The following FGF14 variants were observed in gnomAD, a reference collection of about 807,000 sequenced individuals.
FGF14 encodes fibroblast growth factor homologous factor 4.
Under a neutral mutation model 25.5 loss-of-function variants are expected in FGF14, and 5 were observed. The observed-to-expected ratio is 0.20, with a 90% CI of 0.10 to 0.41. FGF14 has a LOEUF of 0.41. FGF14 is among the 10% of genes least tolerant of loss of function. The pLI is 1.00. For missense variants in FGF14, 222 were observed against 320.1 expected, an observed-to-expected ratio of 0.69 and a Z score of 2.34; for synonymous variants, 138 against 118.3, an observed-to-expected ratio of 1.17 and a Z score of -1.08.
At chr13:101,967,376 C>T (rs1392894381) in intron 1 of FGF14, among the ~76,000 whole-genome samples, 1 of 152,322 alleles carries the variant, frequency 6.6e-6, no homozygotes, top group African/African-American at 2.4e-5. Flanking sequence ...TGTTTTCCTT[C>T]TGATTGTGGT....
chr13:101,927,880 G>T (rs2034477423), intron 1 of FGF14, among the ~76,000 whole-genome samples: 1 of 152,116 alleles, frequency 6.6e-6, no homozygotes, highest in African/African-American at 2.4e-5. Flanking sequence ...TTTGTCAAAG[G>T]GAGGATGAGA....
At chr13:102,024,265 C>T (rs1264429789) in intron 1 of FGF14, among the ~76,000 whole-genome samples, 2 of 152,026 alleles carry the variant, frequency 1.3e-5, no homozygotes, top group Non-Finnish European at 2.9e-5. Context: ...ATTCTAATTC[C>T]TCCACATTCT....
At chr13:102,376,916 C>T (rs1255555726) in intron 1 of FGF14, among the ~76,000 whole-genome samples, 2 of 152,244 alleles carry the variant, frequency 1.3e-5, no homozygotes, top group Admixed American at 6.5e-5. Context: ...AGCCCATGGG[C>T]ACCAAGTGTG....
At chr13:102,047,338 A>C (rs1480319492) in intron 1 of FGF14, among the ~76,000 whole-genome samples, 1 of 152,178 alleles carries the variant, frequency 6.6e-6, no homozygotes, top group Non-Finnish European at 1.5e-5. Context: ...ATAATAATGC[A>C]AACCTAAAAG....
intron 1 of FGF14, among the ~76,000 whole-genome samples, chr13:102,108,739 CTAATT>C (rs1270795951): frequency 3.3e-5 from 5 of 152,110 alleles, no homozygotes; most frequent in East Asian, 1.9e-4. Flanking sequence ...TCTTAAAGGG[CTAATT>C]TAATTTTACT....
At chr13:102,248,509 G>A (rs1383863425) in intron 1 of FGF14, among the ~76,000 whole-genome samples, 1 of 152,114 alleles carries the variant, frequency 6.6e-6, no homozygotes, top group African/African-American at 2.4e-5. Flanking sequence ...AAGTAGATTT[G>A]ATGTGTTCAG....
At chr13:101,832,205 C>A (rs928407254) in intron 3 of FGF14, among the ~76,000 whole-genome samples, 3 of 151,926 alleles carry the variant, frequency 2.0e-5, no homozygotes, top group African/African-American at 7.2e-5. Flanking sequence ...CCAAGGGATG[C>A]TGGAAACCAC....
chr13:102,036,185 GCA>G (rs2139968156), intron 1 of FGF14, among the ~76,000 whole-genome samples: 1 of 152,192 alleles, frequency 6.6e-6, no homozygotes, highest in South Asian at 2.1e-4. Flanking sequence ...CTGGGCTAAA[GCA>G]CAGTGTCAAT....
At chr13:102,401,070 T>TA (rs1484902734) in intron 1 of FGF14, among the ~76,000 whole-genome samples, 1 of 152,128 alleles carries the variant, frequency 6.6e-6, no homozygotes, top group African/African-American at 2.4e-5. Flanking sequence ...GGAACCCAGC[T>TA]ACGTCCCTCG....
At chr13:102,011,388 G>T (rs182235809) in intron 1 of FGF14, among the ~76,000 whole-genome samples, 1 of 152,284 alleles carries the variant, frequency 6.6e-6, no homozygotes, top group East Asian at 1.9e-4. Context: ...AACGCTGCAG[G>T]AGTATGAAGC....
intron 1 of FGF14, among the ~76,000 whole-genome samples, chr13:102,180,324 T>A (rs1257888976): frequency 6.6e-6 from 1 of 152,076 alleles, no homozygotes; most frequent in Non-Finnish European, 1.5e-5. Context: ...ACTTTTTACT[T>A]TTTTTTGAGA....
intron 1 of FGF14, among the ~76,000 whole-genome samples, chr13:102,070,335 A>T (rs2140146827): frequency 6.6e-6 from 1 of 152,358 alleles, no homozygotes; most frequent in Non-Finnish European, 1.5e-5. Context: ...ATGAGATATC[A>T]TCTCACTCTA....
At chr13:101,857,233 T>C (rs759702650) in intron 3 of FGF14, among the ~76,000 whole-genome samples, 22 of 151,998 alleles carry the variant, frequency 1.4e-4, no homozygotes, top group Non-Finnish European at 3.2e-4. Flanking sequence ...GGAGCCAGGA[T>C]GAATGCCCAA....
intron 1 of FGF14, among the ~76,000 whole-genome samples, chr13:102,150,961 T>G (rs1338954940): frequency 6.6e-6 from 1 of 152,192 alleles, no homozygotes; most frequent in Non-Finnish European, 1.5e-5. Context: ...AAGAAAAGTA[T>G]GTGTTGGGAA....
At chr13:101,783,702 CT>C (rs2039650154) in intron 3 of FGF14, among the ~76,000 whole-genome samples, 2 of 152,110 alleles carry the variant, frequency 1.3e-5, no homozygotes, top group African/African-American at 4.8e-5. Context: ...TCAATCTTTG[CT>C]TTTGTTGCAA....
chr13:102,101,268 G>T (rs1297356692), intron 1 of FGF14, among the ~76,000 whole-genome samples: 1 of 152,028 alleles, frequency 6.6e-6, no homozygotes, highest in Admixed American at 6.6e-5. Context: ...CTTTTATTCA[G>T]AAAAATTGTT....
At chr13:101,742,116 A>C (rs2036595276) in intron 3 of FGF14, among the ~76,000 whole-genome samples, 2 of 152,110 alleles carry the variant, frequency 1.3e-5, no homozygotes, top group Admixed American at 1.3e-4. Context: ...TTCAACTCCC[A>C]CTTATGAGTG....
At chr13:101,786,297 GACTT>G (rs1263821296) in intron 3 of FGF14, among the ~76,000 whole-genome samples, 1 of 152,174 alleles carries the variant, frequency 6.6e-6, no homozygotes, top group Admixed American at 6.5e-5. Context: ...CATAGGGAAA[GACTT>G]AATTATTTGC....
At chr13:102,192,977 T>C (rs1452468132) in intron 1 of FGF14, among the ~76,000 whole-genome samples, 1 of 152,196 alleles carries the variant, frequency 6.6e-6, no homozygotes, top group Non-Finnish European at 1.5e-5. Flanking sequence ...TGGCTTTTTC[T>C]AGCATACACC....
Sources: allele counts gnomAD v4.1 joint callset (sites outside exome capture counted in the v4.1 genomes callset), GRCh38; gene constraint gnomAD v4.1.1; transcripts MANE v1.5; gene names NCBI Gene and HGNC (gene_info 2026-07-23, HGNC 2026-07-21).